The following GRAMD4 variants were observed in gnomAD, a reference collection of about 807,000 sequenced individuals.
The protein encoded by GRAMD4 is GRAM domain-containing protein 4.
Under a neutral mutation model 83.9 loss-of-function variants are expected in GRAMD4, and 25 were observed. That is an observed-to-expected ratio of 0.30 (90% confidence interval 0.22 to 0.42). GRAMD4 has a LOEUF of 0.42. GRAMD4 is among the 10% of genes least tolerant of loss of function. GRAMD4 has a pLI of 1.00. For synonymous variants in GRAMD4, 336 were observed against 320.9 expected, an observed-to-expected ratio of 1.05 and a Z score of -0.50; for missense variants, 593 against 788.7, an observed-to-expected ratio of 0.75 and a Z score of 2.97.
In GRAMD4 at chr22:46,655,867, G is replaced by GC. The variant is rs2082235403; in HGVS notation, c.284-2319dup. On this transcript the variant is annotated intron_variant, in intron 3 of 18. Transcript: ENST00000406902. ...GCAGCCTGTCCTGAGCCCTGGGGAG[G>GC]CACCGGCTTCAGCTAACGCTCTGCC... 2.0e-5 allele frequency among the ~76,000 whole-genome samples: 3 copies of GC among 150,224 alleles called. No homozygotes were observed. The East Asian group carries it at 5.9e-4, about 30-fold the overall frequency.
At chr22:46,596,266 T>C (rs2081261283) in intron 1 of GRAMD4, among the ~76,000 whole-genome samples, 1 of 152,200 alleles carries the variant, frequency 6.6e-6, no homozygotes, top group Admixed American at 6.5e-5. Flanking sequence ...TCTTAACTGG[T>C]GAAATCACAT....
At chr22:46,604,896 C>T (rs6008929) in intron 1 of GRAMD4, among the ~76,000 whole-genome samples, 4,400 of 115,832 alleles carry the variant, frequency 0.038, 115 homozygotes, top group African/African-American at 0.084. Context: ...CCATAATGTT[C>T]TCCGGGTTCA....
At chr22:46,588,164 A>C (rs2078410473) in intron 1 of GRAMD4, among the ~76,000 whole-genome samples, 1 of 152,070 alleles carries the variant, frequency 6.6e-6, no homozygotes, top group African/African-American at 2.4e-5. Flanking sequence ...CAGGATAGGC[A>C]GGCCCTGGGG....
rs1262511494 is a variant in GRAMD4, at chr22:46,626,614, G to A, written c.-49-137G>A. On this transcript the variant is annotated intron_variant, in intron 1 of 18. Transcript: ENST00000406902. ...TCGTGGGGCTTGGAGGTGTGTGTGG[G>A]AGGGACGGTGGCAGGGCGGGGTCTC... 2.6e-5 allele frequency: 15 copies of A among 572,150 alleles called. No individual in the cohort carries two copies. The African/African-American group carries it at 3.1e-4, about 12-fold the overall frequency. The allele number at this position is 572,150 out of a possible 1,614,324, so 35.4% of individuals were successfully genotyped here. A position where few individuals can be genotyped will look rare whatever the true frequency, so the allele number is the denominator to read the frequency against.
chr22:46,600,768 A>T (rs1258498093), intron 1 of GRAMD4, among the ~76,000 whole-genome samples: 1 of 152,224 alleles, frequency 6.6e-6, no homozygotes, highest in Admixed American at 6.5e-5. Context: ...TAAGAAATTT[A>T]AAAAGATTTA....
At chr22:46,579,291 C>T (rs529821916) in intron 1 of GRAMD4, among the ~76,000 whole-genome samples, 35 of 152,302 alleles carry the variant, frequency 2.3e-4, no homozygotes, top group African/African-American at 7.5e-4. Context: ...AGCCCGGCGC[C>T]GGCGTTAGGT....
rs2082615650 is a variant in GRAMD4, at chr22:46,677,431, C to T, written c.*180C>T. The T allele has an allele frequency of 7.3e-7, 1 of 1,361,998 alleles. No homozygotes were observed. The highest frequency in any genetic ancestry group is 3.0e-5 in the Admixed American group (1 of 32,840). 84.4% of individuals were successfully genotyped at this position (1,361,998 alleles called of 1,614,324 possible). ...TTTATCGACCAAGAAGGGGCCAGGG[C>T]TCACAGGGACGGGGGTGCCCCTCTC... On this transcript the variant is annotated 3_prime_UTR_variant, in exon 19 of 19. Transcript: ENST00000406902.
At chr22:46,676,461 CT>C in intron 17 of GRAMD4, 138 bp from the exon 18 acceptor site, 1 of 681,266 alleles carries the variant, frequency 1.5e-6, no homozygotes, top group South Asian at 1.7e-5. Context: ...CCCTTACCTT[CT>C]GTTGTTTGGA....
At chr22:46,671,193 G>T (rs1473513472) in intron 13 of GRAMD4, 15 of 430,364 alleles carry the variant, frequency 3.5e-5, no homozygotes, top group Non-Finnish European at 6.6e-5. Context: ...GCTCAGTCCA[G>T]TCAGCCAAGG....
intron 2 of GRAMD4, among the ~76,000 whole-genome samples, chr22:46,636,822 G>T (rs1257193563): frequency 6.6e-6 from 1 of 152,202 alleles, no homozygotes; most frequent in Non-Finnish European, 1.5e-5. Context: ...TGGAACGGCC[G>T]CCTGTGCCCA....
chr22:46,595,463 G>A (rs1252707962), intron 1 of GRAMD4, among the ~76,000 whole-genome samples: 2 of 152,272 alleles, frequency 1.3e-5, no homozygotes, highest in Non-Finnish European at 2.9e-5. Context: ...CTGGAAAGGG[G>A]AGGTGGCGCC....
chr22:46,637,177 C>T (rs1284196275), intron 2 of GRAMD4, among the ~76,000 whole-genome samples: 2 of 152,146 alleles, frequency 1.3e-5, no homozygotes, highest in Non-Finnish European at 2.9e-5. Flanking sequence ...CAGCACAGTT[C>T]CAGGGTTTTC....
intron 3 of GRAMD4, 135 bp downstream of exon 3, chr22:46,638,095 G>T: frequency 1.1e-6 from 1 of 920,336 alleles, no homozygotes; most frequent in Non-Finnish European, 1.7e-6. Flanking sequence ...CGAGCCCTGG[G>T]CAGCTGTGGC....
At chr22:46,576,933 C>T (rs1388291167), upstream of GRAMD4, among the ~76,000 whole-genome samples, 1 of 145,894 alleles carries the variant, frequency 6.9e-6, no homozygotes, top group Non-Finnish European at 1.5e-5. Flanking sequence ...CGTGACCGAG[C>T]TGGCGCACGC....
chr22:46,611,476 T>C (rs1431883147), intron 1 of GRAMD4, among the ~76,000 whole-genome samples: 1 of 152,136 alleles, frequency 6.6e-6, no homozygotes, highest in African/African-American at 2.4e-5. Context: ...TCACCCTGCC[T>C]TCCCGAACCT....
At chr22:46,680,590 CCATCCACCCACCCATTCAT>C (rs1569313452), downstream of GRAMD4, among the ~76,000 whole-genome samples, 2 of 137,336 alleles carry the variant, frequency 1.5e-5, no homozygotes, top group Non-Finnish European at 3.1e-5. Flanking sequence ...ATCCATCCAT[CCATCCACCCACCCATTCAT>C]CCATCCACCC....
intron 3 of GRAMD4, among the ~76,000 whole-genome samples, chr22:46,651,387 A>C (rs1452056907): frequency 6.6e-6 from 1 of 152,194 alleles, no homozygotes; most frequent in African/African-American, 2.4e-5. Flanking sequence ...GGATCTGCAC[A>C]AGCTGTGGCC....
chr22:46,627,049 G>C lies in GRAMD4; in HGVS notation c.162+88G>C, dbSNP rs924063976. On this transcript the variant is annotated intron_variant, in intron 2 of 18. Coordinates refer to ENST00000406902, the MANE Select transcript of GRAMD4 (RefSeq NM_015124.5). ...GCCAAGCGTGGACTCAGGCAGATTC[G>C]TGTCCTGCCCATGCTGGTCAGAGAT... is the stretch of plus-strand genomic sequence containing the variant. 9 of 893,212 alleles carry C rather than the reference G, an allele frequency of 1.0e-5. No homozygotes were observed. The Admixed American group carries it at 1.6e-4, about 16-fold the overall frequency. The allele number at this position is 893,212 out of a possible 1,614,324, so 55.3% of individuals were successfully genotyped here.
At chr22:46,675,327 C>T in intron 16 of GRAMD4, 141 bp from the exon 17 acceptor site, 1 of 703,422 alleles carries the variant, frequency 1.4e-6, no homozygotes, top group Non-Finnish European at 2.6e-6. Context: ...GTGAGTGTTT[C>T]ACCGGTTCTG....
Sources: gnomAD v4.1 joint callset for allele counts (sites outside exome capture counted in the v4.1 genomes callset) on GRCh38, gnomAD v4.1.1 for gene constraint, MANE v1.5 for transcripts, NCBI Gene and HGNC (gene_info 2026-07-23, HGNC 2026-07-21) for gene names.